KCNQ3: variants seen among roughly 807,000 people sequenced by gnomAD.
KCNQ3 encodes the protein potassium voltage-gated channel subfamily Q member 3.
A neutral mutation model predicts 92.5 loss-of-function variants in KCNQ3; 30 were observed. The observed-to-expected ratio is 0.32, with a 90% confidence interval of 0.24 to 0.44. The LOEUF (loss-of-function observed/expected upper bound fraction) is 0.44, where lower values mean the gene tolerates loss of function less well. Among genes scored for constraint, KCNQ3 ranks in the 20% least tolerant of loss-of-function variants. The probability of loss-of-function intolerance (pLI) is 1.00; values close to 1 mark genes in which losing one functional copy is unlikely to be tolerated. For missense variants in KCNQ3, 913 were observed against 1,140.3 expected (o/e 0.80, Z 2.87); for synonymous variants, 450 against 468.8 (o/e 0.96, Z 0.52).
chr8:132,132,139 G>T, intron 14 of KCNQ3, 41 bp downstream of exon 14: 1 of 1,192,006 alleles, frequency 8.4e-7, no homozygotes, highest in Non-Finnish European at 1.3e-6. Context: ...GAAAATAAAT[G>T]TCACAGATCC....
intron 9 of KCNQ3, among the ~76,000 whole-genome samples, chr8:132,162,910 A>G (rs1435243169): frequency 6.6e-6 from 1 of 152,212 alleles, no homozygotes; most frequent in Non-Finnish European, 1.5e-5. Context: ...TGATTGGTCA[A>G]TAATAATCGT....
chr8:132,428,799 A>C (rs1033468140), intron 1 of KCNQ3, among the ~76,000 whole-genome samples: 1 of 152,234 alleles, frequency 6.6e-6, no homozygotes, highest in African/African-American at 2.4e-5. Flanking sequence ...CAGTTACATA[A>C]GCAGATATTA....
chr8:132,367,616 C>T (rs903530529), intron 1 of KCNQ3, among the ~76,000 whole-genome samples: 1 of 152,218 alleles, frequency 6.6e-6, no homozygotes, highest in African/African-American at 2.4e-5. Flanking sequence ...CCTCTAGTGC[C>T]TGCCACCAAA....
intron 3 of KCNQ3, among the ~76,000 whole-genome samples, chr8:132,183,336 G>C (rs922632720): frequency 6.6e-6 from 1 of 152,126 alleles, no homozygotes; most frequent in African/African-American, 2.4e-5. Context: ...GTTAAAATGA[G>C]ATAAATGCCT....
intron 1 of KCNQ3, among the ~76,000 whole-genome samples, chr8:132,287,108 A>C (rs1816699045): frequency 6.6e-6 from 1 of 152,262 alleles, no homozygotes; most frequent in Admixed American, 6.5e-5. Flanking sequence ...TAGATTAAAA[A>C]ATACTTTAGA....
intron 1 of KCNQ3, among the ~76,000 whole-genome samples, chr8:132,348,160 C>T (rs1005121773): frequency 1.3e-5 from 2 of 151,876 alleles, no homozygotes; most frequent in Non-Finnish European, 2.9e-5. Flanking sequence ...TACAAGTTAA[C>T]TCTAAGTCCC....
chr8:132,440,206 T>G (rs1587021664), intron 1 of KCNQ3, among the ~76,000 whole-genome samples: 1 of 152,240 alleles, frequency 6.6e-6, no homozygotes, highest in African/African-American at 2.4e-5. Context: ...AACTCTTGGA[T>G]GCCAACAGTC....
chr8:132,301,182 A>G (rs1817205202), intron 1 of KCNQ3, among the ~76,000 whole-genome samples: 1 of 152,084 alleles, frequency 6.6e-6, no homozygotes, highest in South Asian at 2.1e-4. Flanking sequence ...GAATCAGCGA[A>G]TGTGCTCTAT....
intron 1 of KCNQ3, among the ~76,000 whole-genome samples, chr8:132,302,648 A>C (rs925578552): frequency 3.3e-5 from 5 of 152,220 alleles, no homozygotes; most frequent in African/African-American, 1.2e-4. Context: ...GTTGACCCCA[A>C]ACTAGGCCTG....
intron 1 of KCNQ3, among the ~76,000 whole-genome samples, chr8:132,207,376 T>C (rs1813695187): frequency 6.6e-6 from 1 of 152,202 alleles, no homozygotes; most frequent in Non-Finnish European, 1.5e-5. Flanking sequence ...GGAATTTGCA[T>C]TTTAATAGCG....
At chr8:132,455,919 G>A (rs541133036) in intron 1 of KCNQ3, among the ~76,000 whole-genome samples, 226 of 151,352 alleles carry the variant, frequency 1.5e-3, no homozygotes, top group Middle Eastern at 3.4e-3. Flanking sequence ...TTTTTTTTTT[G>A]TATTTTTAGT....
Position 132,127,098 on chromosome 8 carries a change from G to A in KCNQ3, c.*2164C>T, listed in dbSNP as rs918390771. 2 of 152,168 alleles carry A rather than the reference G, an allele frequency of 1.3e-5. No individual in the cohort carries two copies. The highest frequency in any genetic ancestry group is 6.5e-5 in the Admixed American group (1 of 15,278). 9.4% of individuals were successfully genotyped at this position (152,168 alleles called of 1,614,324 possible). A position where few individuals can be genotyped will look rare whatever the true frequency, so the allele number is the denominator to read the frequency against. ...AATCAAGCCCTCAGGAAGGGGCATAGGGTTTCTTAGGTTGTAATCCCCACT... is the reference window on the plus strand; with the variant it reads ...AATCAAGCCCTCAGGAAGGGGCATAAGGTTTCTTAGGTTGTAATCCCCACT... On this transcript the variant is annotated 3_prime_UTR_variant, in exon 15 of 15. Transcript: ENST00000388996.
At chr8:132,222,309 T>C (rs1216229956) in intron 1 of KCNQ3, among the ~76,000 whole-genome samples, 1 of 152,248 alleles carries the variant, frequency 6.6e-6, no homozygotes, top group African/African-American at 2.4e-5. Flanking sequence ...ATACTTGGTA[T>C]CTCACATCCA....
chr8:132,304,284 C>A (rs1271071075), intron 1 of KCNQ3, among the ~76,000 whole-genome samples: 1 of 152,032 alleles, frequency 6.6e-6, no homozygotes, highest in Non-Finnish European at 1.5e-5. Context: ...TGTACTTGTA[C>A]CCCCTAAATC....
chr8:132,423,701 C>A (rs1483745691), intron 1 of KCNQ3, among the ~76,000 whole-genome samples: 1 of 152,104 alleles, frequency 6.6e-6, no homozygotes, highest in South Asian at 2.1e-4. Context: ...GTAATTCAGC[C>A]GAGGTCACAC....
At chr8:132,472,282 T>C (rs1822316309) in intron 1 of KCNQ3, among the ~76,000 whole-genome samples, 1 of 152,098 alleles carries the variant, frequency 6.6e-6, no homozygotes, top group African/African-American at 2.4e-5. Flanking sequence ...AGAAAAGAAA[T>C]CAATGTATCG....
At chr8:132,270,257 G>A (rs1321737254) in intron 1 of KCNQ3, among the ~76,000 whole-genome samples, 1 of 152,154 alleles carries the variant, frequency 6.6e-6, no homozygotes, top group Admixed American at 6.5e-5. Flanking sequence ...AACTAGTGGT[G>A]GGGAAAAGGC....
At chr8:132,394,590 C>G (rs969216435) in intron 1 of KCNQ3, among the ~76,000 whole-genome samples, 5 of 152,062 alleles carry the variant, frequency 3.3e-5, no homozygotes, top group African/African-American at 1.2e-4. Context: ...AGAGTGAAAC[C>G]TTTGGTATTC....
At chr8:132,451,093 C>T (rs541262344) in intron 1 of KCNQ3, among the ~76,000 whole-genome samples, 16 of 152,254 alleles carry the variant, frequency 1.1e-4, no homozygotes, top group African/African-American at 1.9e-4. Flanking sequence ...GGGAGGGACC[C>T]GGTGGGAGGT....
Sources: allele counts gnomAD v4.1 joint callset (sites outside exome capture counted in the v4.1 genomes callset), GRCh38; gene constraint gnomAD v4.1.1; transcripts MANE v1.5; gene names NCBI Gene and HGNC (gene_info 2026-07-23, HGNC 2026-07-21).